MFAP3L: variants seen among roughly 807,000 people sequenced by gnomAD.
MFAP3L encodes microfibril associated protein 3 like, also known as microfibrillar-associated protein 3-like.
Under a neutral mutation model 20.0 loss-of-function variants are expected in MFAP3L, and 5 were observed. That is an observed-to-expected ratio of 0.25 (90% CI 0.13 to 0.53). The LOEUF (loss-of-function observed/expected upper bound fraction) is 0.53, where lower values mean the gene tolerates loss of function less well. MFAP3L is among the 20% of genes least tolerant of loss of function. The pLI is 0.96. For synonymous variants in MFAP3L, 219 were observed against 213.0 expected (o/e 1.03, Z -0.25); for missense variants, 409 against 527.5 (o/e 0.78, Z 2.20).
At chr4:170,016,659 T>G (rs1739720068) in intron 1 of MFAP3L, among the ~76,000 whole-genome samples, 1 of 152,244 alleles carries the variant, frequency 6.6e-6, no homozygotes, top group African/African-American at 2.4e-5. Context: ...AAACACACTT[T>G]GCTCAAAGCA....
intron 2 of MFAP3L, among the ~76,000 whole-genome samples, chr4:169,996,021 C>CA (rs1738135699): frequency 2.2e-5 from 3 of 135,648 alleles, no homozygotes; most frequent in Non-Finnish European, 4.8e-5. Context: ...CCCCACCCCC[C>CA]ACCCTGAAAT....
chr4:169,991,320 T>C lies in MFAP3L; in HGVS notation c.*58A>G. ...CTTAGCGGCAAGTGCGTACTACATC[T>C]GTATTACAAGGAGCAGCCCCTGATT... On this transcript the variant is annotated 3_prime_UTR_variant, in exon 3 of 3. Coordinates refer to ENST00000361618, the MANE Select transcript of MFAP3L (RefSeq NM_021647.8). The surrounding 1 kb of genome is among the most constrained non-coding windows in gnomAD (Gnocchi z 4.9). The C allele has an allele frequency of 3.9e-6, 6 of 1,533,952 alleles. No homozygotes were observed. Among genetic ancestry groups the C allele is most frequent in the Non-Finnish European group, 5.3e-6 (6 of 1,131,450 alleles).
chr4:170,017,582 G>A (rs951720894), intron 1 of MFAP3L, among the ~76,000 whole-genome samples: 3 of 152,060 alleles, frequency 2.0e-5, no homozygotes, highest in African/African-American at 4.8e-5. Flanking sequence ...ACCTGCACAC[G>A]GTGGTCACTG....
At chr4:170,027,126 T>C (rs1730501091), upstream of MFAP3L, 1 of 151,998 alleles carries the variant, frequency 6.6e-6, no homozygotes, top group Non-Finnish European at 1.5e-5. Context: ...GATTTTTTAA[T>C]TAAAAAGTAG....
chr4:170,002,413 T>C (rs1255797925), intron 2 of MFAP3L, among the ~76,000 whole-genome samples: 5 of 152,206 alleles, frequency 3.3e-5, no homozygotes, highest in Admixed American at 6.5e-5. Flanking sequence ...ACTTAGTAAA[T>C]GGCAGCAGTT....
intron 1 of MFAP3L, among the ~76,000 whole-genome samples, chr4:170,007,668 A>G (rs183461116): frequency 9.5e-4 from 144 of 152,308 alleles, no homozygotes; most frequent in African/African-American, 3.3e-3. Flanking sequence ...GTTATTATAA[A>G]TTATAAATAA....
intron 2 of MFAP3L, chr4:169,997,667 G>T: frequency 1.0e-6 from 1 of 967,128 alleles, no homozygotes; most frequent in Non-Finnish European, 1.2e-6. Context: ...GACATTGTTG[G>T]CAGTGGAAAG....
rs1411658074 is a variant in MFAP3L, at chr4:169,992,175, T to C, written c.433A>G (p.Thr145Ala). Residue 145 changes from threonine to alanine, a missense_variant, in exon 3 of 3, where the codon ACT becomes GCT. Around this residue, in one of 3 missense-constraint regions of MFAP3L, gnomAD observed 127 missense variants for 218.1 expected, o/e 0.58. Coordinates refer to ENST00000361618, the MANE Select transcript of MFAP3L (RefSeq NM_021647.8). The surrounding 1 kb of genome is among the most constrained non-coding windows in gnomAD (Gnocchi z 4.3). ...TAGTAGACACCCATGTCTCCAGAAGTGAAGATGACGCGCAAGGTCACCGTG... is the reference window on the plus strand; with the variant it reads ...TAGTAGACACCCATGTCTCCAGAAGCGAAGATGACGCGCAAGGTCACCGTG... ...NNTVTLRVIF[T>A]SGDMGVYYMV... The C allele has an allele frequency of 1.9e-6, 3 of 1,613,928 alleles. No individual in the cohort carries two copies.
In MFAP3L at chr4:169,991,232, CAGGT is replaced by C. The variant is rs1302838754; in HGVS notation, c.*142_*145del. ...AAATTCCAGTCCCATTCACTGCAGG[CAGGT>C]GTTTCTCCTTTTAAAGTGGCATCAC... On this transcript the variant is annotated 3_prime_UTR_variant, in exon 3 of 3. Coordinates refer to ENST00000361618, the MANE Select transcript of MFAP3L (RefSeq NM_021647.8). This position sits in a 1 kb window ranked among gnomAD's most constrained non-coding sequence, Gnocchi z 4.9. 2 of 799,122 alleles carry C rather than the reference CAGGT, an allele frequency of 2.5e-6. No individual in the cohort carries two copies. The highest frequency in any genetic ancestry group is 2.8e-5 in the Admixed American group (1 of 35,986). The allele number at this position is 799,122 out of a possible 1,614,324, so 49.5% of individuals were successfully genotyped here.
chr4:170,026,791 G>C (rs770548862), upstream of MFAP3L: 1 of 152,268 alleles, frequency 6.6e-6, no homozygotes, highest in Non-Finnish European at 1.5e-5. Flanking sequence ...AGGACACCCA[G>C]GAAAAGGCTT....
intron 2 of MFAP3L, among the ~76,000 whole-genome samples, chr4:170,000,891 T>A (rs1372224535): frequency 6.8e-6 from 1 of 147,720 alleles, no homozygotes; most frequent in African/African-American, 2.5e-5. Flanking sequence ...CCCTGCTAAC[T>A]TTTTTTTTTT....
intron 1 of MFAP3L, among the ~76,000 whole-genome samples, chr4:170,025,235 T>G (rs976168574): frequency 2.6e-5 from 4 of 152,220 alleles, no homozygotes; most frequent in Non-Finnish European, 5.9e-5. Context: ...CATCTTGTAT[T>G]TCATCTTGAA....
At position 169,998,418 on chromosome 4, in the gene MFAP3L, T is replaced by A. The variant is rs377766557; in HGVS notation, c.299-6109A>T. 6.6e-5 allele frequency among the ~76,000 whole-genome samples: 10 copies of A among 152,310 alleles called. No homozygotes were observed. In the East Asian group the frequency reaches 1.7e-3, roughly 26 times the overall value. On this transcript the variant is annotated intron_variant, in intron 2 of 2. Transcript: ENST00000361618. Reference sequence around the variant, plus strand: ...ACTGCTGTACAGCAAGGAGCAGCAATGAGCAACGCATTCTGAACTGAAGAA... The same window carrying A: ...ACTGCTGTACAGCAAGGAGCAGCAAAGAGCAACGCATTCTGAACTGAAGAA...
intron 2 of MFAP3L, among the ~76,000 whole-genome samples, chr4:170,003,509 A>G (rs1738823270): frequency 6.6e-6 from 1 of 152,194 alleles, no homozygotes; most frequent in East Asian, 1.9e-4. Context: ...AAGATACCAC[A>G]TATGTATCTC....
rs756293670 is a variant in MFAP3L at position 170,005,797 on chromosome 4, G to A, written c.81C>T (p.Thr27=). 70 of 1,614,046 alleles carry A rather than the reference G, an allele frequency of 4.3e-5. No homozygotes were observed. The highest frequency in any genetic ancestry group is 3.3e-4 in the Middle Eastern group (2 of 6,084). The change falls in exon 2 of 3, where the codon ACC becomes ACT. Residue 27 remains threonine, a synonymous_variant. Coordinates refer to ENST00000361618, the MANE Select transcript of MFAP3L (RefSeq NM_021647.8). The stretch of plus-strand genomic sequence containing the variant: ...AAGTGCTGTTAGTCACACTCTTAGC[G>A]GTGGCTAGAGTGGATACTAGGATTA... ...PFLILVSTLA[T]AKSVTNSTLN... is the part of the protein sequence containing the mutation.
chr4:170,020,760 C>T (rs1560992241), intron 1 of MFAP3L, among the ~76,000 whole-genome samples: 1 of 151,946 alleles, frequency 6.6e-6, no homozygotes, highest in African/African-American at 2.4e-5. Flanking sequence ...CCCTTCCTTA[C>T]CTTGCACATC....
chr4:170,004,883 G>C (rs1184467665), intron 2 of MFAP3L: 1 of 152,230 alleles, frequency 6.6e-6, no homozygotes, highest in Admixed American at 6.5e-5. Context: ...ACCAGGATTG[G>C]GTTTTCAGAC....
intron 1 of MFAP3L, among the ~76,000 whole-genome samples, chr4:170,007,769 T>C (rs1739138933): frequency 1.3e-5 from 2 of 152,050 alleles, no homozygotes; most frequent in South Asian, 2.1e-4. Flanking sequence ...GTGGTGAGCA[T>C]GTTGAGGGCA....
Position 169,991,516 on chromosome 4 carries a change from C to T in MFAP3L, c.1092G>A (p.Thr364=), listed in dbSNP as rs748179666. 12 of 1,614,082 alleles carry T rather than the reference C, an allele frequency of 7.4e-6. No homozygotes were observed. The highest frequency in any genetic ancestry group is 5.5e-5 in the South Asian group (5 of 91,078). Residue 364 remains threonine, a synonymous_variant, in exon 3 of 3, where the codon ACG becomes ACA. Transcript: ENST00000361618. The surrounding 1 kb of genome is among the most constrained non-coding windows in gnomAD (Gnocchi z 4.9). ...PETAEPSTDV[T]STELTSEEPT... ...GCTCTTCAGATGTTAGCTCGGTGGA[C>T]GTGACATCGGTAGAAGGTTCTGCAG...
Sources: gnomAD v4.1 joint callset for allele counts (sites outside exome capture counted in the v4.1 genomes callset) on GRCh38, gnomAD v4.1.1 for gene constraint, gnomAD v4.1.1 regional missense constraint, Gnocchi (gnomAD v3.1) non-coding constraint, MANE v1.5 for transcripts, NCBI Gene and HGNC (gene_info 2026-07-23, HGNC 2026-07-21) for gene names.